OR6X1: variants seen among roughly 807,000 people sequenced by gnomAD.
OR6X1 encodes olfactory receptor family 6 subfamily X member 1, also known as olfactory receptor 6X1.
For missense variants in OR6X1, 354 were observed against 372.2 expected (o/e 0.95, Z 0.40); for synonymous variants, 160 against 149.8 (o/e 1.07, Z -0.50).
Position 123,754,275 on chromosome 11 carries a change from T to C in OR6X1, c.244A>G (p.Thr82Ala). The C allele has an allele frequency of 6.2e-7, 1 of 1,614,096 alleles. No homozygotes were observed. Among genetic ancestry groups the C allele is most frequent in the Non-Finnish European group, 8.5e-7 (1 of 1,179,986 alleles). The change falls in exon 1 of 1, where the codon ACC becomes GCC. Residue 82 changes from threonine (T) to alanine (A), a missense_variant. Physicochemically the swap from Thr to Ala is moderately conservative, Grantham distance 58. Coordinates refer to ENST00000327930, the MANE Select transcript of OR6X1 (RefSeq NM_001005188.1). Reference protein sequence around the residue: ...TTTVIPKLLGTFVVARTVICM... With the variant: ...TTTVIPKLLGAFVVARTVICM... Reference sequence around the variant, plus strand: ...ATTACTGTTCTTGCCACTACAAAGGTTCCTAGCAGTTTGGGGATGACTGTG... The same window carrying C: ...ATTACTGTTCTTGCCACTACAAAGGCTCCTAGCAGTTTGGGGATGACTGTG...
rs770729166 is a variant in OR6X1, at chr11:123,753,592, ACCAGT to A, written c.922_926del (p.Thr308SerfsTer?). The A allele has an allele frequency of 1.1e-4, 172 of 1,563,362 alleles. No individual in the cohort carries two copies. Among genetic ancestry groups the A allele is most frequent in the Non-Finnish European group, 1.4e-4 (165 of 1,156,052 alleles). On this transcript the variant is annotated frameshift_variant, in exon 1 of 1. Coordinates refer to ENST00000327930, the MANE Select transcript of OR6X1 (RefSeq NM_001005188.1). LOFTEE classifies it high-confidence loss of function. ...TGTGTTGCATGTTTTACTTTGCATG[ACCAGT>A]CTTTGGGCAAGTCATTGCCTTTCTT...
At position 123,753,629 on chromosome 11, in the gene OR6X1, C is replaced by G; in HGVS notation, c.890G>C (p.Gly297Ala). ...GCAAGTCATTGCCTTTCTTAAGGCT[C>G]CCTTCACCTCCTTGTTTCTAATAGT... is the stretch of plus-strand genomic sequence containing the variant. ...IYTIRNKEVK[G>A]ALRKAMTCPK... Residue 297 changes from glycine (G) to alanine (A), a missense_variant, in exon 1 of 1, where the codon GGA (glycine) becomes GCA (alanine). Coordinates refer to ENST00000327930, the MANE Select transcript of OR6X1 (RefSeq NM_001005188.1). The G allele has an allele frequency of 6.2e-7, 1 of 1,604,402 alleles. No individual in the cohort carries two copies. Among genetic ancestry groups the G allele is most frequent in the Non-Finnish European group, 8.5e-7 (1 of 1,176,014 alleles).
Position 123,753,932 on chromosome 11 carries a change from A to G in OR6X1, c.587T>C (p.Leu196Pro). ...ACIDTSILEL[L>P]GVIATILVIP... Reference sequence around the variant, plus strand: ...CACAAGGATGGTTGCTATGACGCCCAGGAGTTCCAAAATGCTGGTGTCTAT... The same window carrying G: ...CACAAGGATGGTTGCTATGACGCCCGGGAGTTCCAAAATGCTGGTGTCTAT... The change falls in exon 1 of 1, where the codon CTG becomes CCG. Residue 196 changes from leucine to proline, a missense_variant. Coordinates refer to ENST00000327930, the MANE Select transcript of OR6X1 (RefSeq NM_001005188.1). 1 of 1,614,232 alleles carries G rather than the reference A, an allele frequency of 6.2e-7. No homozygotes were observed. Among genetic ancestry groups the G allele is most frequent in the Non-Finnish European group, 8.5e-7 (1 of 1,180,040 alleles).
rs1314422321 is a variant in OR6X1, at chr11:123,754,144, G to A, written c.375C>T (p.Cys125=). 7 of 1,614,166 alleles carry A rather than the reference G, an allele frequency of 4.3e-6. No homozygotes were observed. The highest frequency in any genetic ancestry group is 1.3e-5 in the African/African-American group (1 of 75,038). ...IMSFDRYLTI[C]NPLHHPTIMT... ...TGATGGTGGGGTGGTGAAGGGGATT[G>A]CAGATGGTGAGGTAGCGGTCAAAAG... The change falls in exon 1 of 1, where the codon TGC becomes TGT. Residue 125 remains cysteine, a synonymous_variant. Transcript: ENST00000327930.
At position 123,753,674 on chromosome 11, in the gene OR6X1, A is replaced by AG. The variant is rs774084489; in HGVS notation, c.844dup (p.Leu282ProfsTer10). 5.6e-6 allele frequency: 9 copies of AG among 1,613,750 alleles called. No individual in the cohort carries two copies. The highest frequency in any genetic ancestry group is 5.5e-5 in the South Asian group (5 of 91,050). On this transcript the variant is annotated frameshift_variant, in exon 1 of 1. Coordinates refer to ENST00000327930, the MANE Select transcript of OR6X1 (RefSeq NM_001005188.1). LOFTEE classifies it low-confidence loss of function (END_TRUNC). ...AATAGTATAAATAAAGGGATTCAGA[A>AG]GGGGGGTGAGGATAGTATTTAGCAC...
rs1336448491 is a variant in OR6X1, at chr11:123,754,412, G to A, written c.107C>T (p.Thr36Ile). Reference sequence around the variant, plus strand: ...AATAATAAGCCCATTGCCTGCAAGGGTTAATATGTAGGTGAGAAAGATTGC... The same window carrying A: ...AATAATAAGCCCATTGCCTGCAAGGATTAATATGTAGGTGAGAAAGATTGC... ...FIAIFLTYIL[T>I]LAGNGLIIAT... The change falls in exon 1 of 1, where the codon ACC (threonine) becomes ATC (isoleucine). Residue 36 changes from threonine to isoleucine, a missense_variant. Physicochemically the swap from Thr to Ile is moderately conservative, Grantham distance 89. Coordinates refer to ENST00000327930, the MANE Select transcript of OR6X1 (RefSeq NM_001005188.1). The A allele has an allele frequency of 1.9e-6, 3 of 1,614,072 alleles. No homozygotes were observed. The highest frequency in any genetic ancestry group is 2.2e-5 in the South Asian group (2 of 91,086).
At position 123,754,194 on chromosome 11, in the gene OR6X1, C is replaced by T. The variant is rs573024245; in HGVS notation, c.325G>A (p.Glu109Lys). The change falls in exon 1 of 1, where the codon GAG becomes AAG. Residue 109 changes from glutamate to lysine, a missense_variant. Coordinates refer to ENST00000327930, the MANE Select transcript of OR6X1 (RefSeq NM_001005188.1). Reference sequence around the variant, plus strand: ...GACATGATAGTGAGGATCAAGAACTCGGTGGTGCCCACGAAGAAGTGGAAG... The same window carrying T: ...GACATGATAGTGAGGATCAAGAACTTGGTGGTGCCCACGAAGAAGTGGAAG... ...AFFHFFVGTT[E>K]FLILTIMSFD... is the part of the protein sequence containing the mutation. 25 of 1,614,088 alleles carry T rather than the reference C, an allele frequency of 1.5e-5. 1 individual carries two copies. The East Asian group carries it at 2.7e-4, about 17-fold the overall frequency.
At position 123,753,738 on chromosome 11, in the gene OR6X1, T is replaced by C. The variant is rs1346197343; in HGVS notation, c.781A>G (p.Thr261Ala). 2 of 1,614,070 alleles carry C rather than the reference T, an allele frequency of 1.2e-6. No individual in the cohort carries two copies. Among genetic ancestry groups the C allele is most frequent in the Non-Finnish European group, 8.5e-7 (1 of 1,180,042 alleles). Residue 261 changes from threonine (T) to alanine (A), a missense_variant, in exon 1 of 1, where the codon ACA (threonine) becomes GCA (alanine). Coordinates refer to ENST00000327930, the MANE Select transcript of OR6X1 (RefSeq NM_001005188.1). ...TTAATCTTAAAGGAGGAGTGTGCTG[T>C]GGGTCTTAGGTACATGAACAGAACA... Reference protein sequence around the residue: ...GAVLFMYLRPTAHSSFKINKV... With the variant: ...GAVLFMYLRPAAHSSFKINKV...
At position 123,753,688 on chromosome 11, in the gene OR6X1, A is replaced by G. The variant is rs1428040196; in HGVS notation, c.831T>C (p.Thr277=). 6.2e-7 allele frequency: 1 copy of G among 1,613,836 alleles called. No homozygotes were observed. The highest frequency in any genetic ancestry group is 2.2e-5 in the East Asian group (1 of 44,874). The change falls in exon 1 of 1, where the codon ACT becomes ACC. Residue 277 remains threonine, a synonymous_variant. Transcript: ENST00000327930. Reference sequence around the variant, plus strand: ...AGGGATTCAGAAGGGGGGTGAGGATAGTATTTAGCACAGACACCACCTTAT... The same window carrying G: ...AGGGATTCAGAAGGGGGGTGAGGATGGTATTTAGCACAGACACCACCTTAT... ...KINKVVSVLN[T]ILTPLLNPFI... is the part of the protein sequence containing the mutation.
Position 123,753,818 on chromosome 11 carries a change from T to C in OR6X1, c.701A>G (p.Lys234Arg), listed in dbSNP as rs1476666945. The change falls in exon 1 of 1, where the codon AAG becomes AGG. Residue 234 changes from lysine to arginine, a missense_variant. Lys to Arg is a conservative substitution (Grantham distance 26). Coordinates refer to ENST00000327930, the MANE Select transcript of OR6X1 (RefSeq NM_001005188.1). ...GTGCGAGGCACAGGTAGAGAAAGTC[T>C]TTTGGTGGCCAGTGGCTGAAGGAAT... ...LRIPSATGHQKTFSTCASHLT... is the reference protein window; with the variant it reads ...LRIPSATGHQRTFSTCASHLT... 1 of 1,613,948 alleles carries C rather than the reference T, an allele frequency of 6.2e-7. No homozygotes were observed. Among genetic ancestry groups the C allele is most frequent in the African/African-American group, 1.3e-5 (1 of 74,886 alleles).
Position 123,753,838 on chromosome 11 carries a change from A to G in OR6X1, c.681T>C (p.Pro227=). The change falls in exon 1 of 1, where the codon CCT becomes CCC. Residue 227 remains proline (P), a synonymous_variant. Transcript: ENST00000327930. The stretch of plus-strand genomic sequence containing the variant: ...AAGTCTTTTGGTGGCCAGTGGCTGA[A>G]GGAATTCGTAGGATTGCGGACAGAA... ...IYILSAILRI[P]SATGHQKTFS... The G allele has an allele frequency of 3.1e-6, 5 of 1,614,172 alleles. No homozygotes were observed. The highest frequency in any genetic ancestry group is 4.2e-6 in the Non-Finnish European group (5 of 1,180,026).
Position 123,753,602 on chromosome 11 carries a change from G to A in OR6X1, c.917C>T (p.Pro306Leu). Residue 306 changes from proline (P) to leucine (L), a missense_variant, in exon 1 of 1, where the codon CCA becomes CTA. Transcript: ENST00000327930. ...KGALRKAMTC[P>L]KTGHAK is the part of the protein sequence containing the mutation. Reference sequence around the variant, plus strand: ...GTTTTACTTTGCATGACCAGTCTTTGGGCAAGTCATTGCCTTTCTTAAGGC... The same window carrying A: ...GTTTTACTTTGCATGACCAGTCTTTAGGCAAGTCATTGCCTTTCTTAAGGC... 6.3e-7 allele frequency: 1 copy of A among 1,585,480 alleles called. No individual in the cohort carries two copies. The highest frequency in any genetic ancestry group is 1.2e-5 in the South Asian group (1 of 86,240).
Position 123,753,767 on chromosome 11 carries a change from C to T in OR6X1, c.752G>A (p.Gly251Glu), listed in dbSNP as rs1409668624. 4 of 1,614,008 alleles carry T rather than the reference C, an allele frequency of 2.5e-6. No homozygotes were observed. The Admixed American group carries it at 6.7e-5, about 27-fold the overall frequency. Residue 251 changes from glycine to glutamate, a missense_variant, in exon 1 of 1, where the codon GGG becomes GAG. Gly to Glu is a moderately conservative substitution (Grantham distance 98, BLOSUM62 -2). Transcript: ENST00000327930. ...SHLTVVSLLY[G>E]AVLFMYLRPT... ...TCTTAGGTACATGAACAGAACAGCC[C>T]CGTAGAGCAGGGAGACAACTGTCAG... is the stretch of plus-strand genomic sequence containing the variant.
chr11:123,753,973 ACTGGGC>A lies in OR6X1; in HGVS notation c.540_545del (p.Pro181_Ser182del), dbSNP rs772055767. 1 of 1,614,200 alleles carries A rather than the reference ACTGGGC, an allele frequency of 6.2e-7. No individual in the cohort carries two copies. The highest frequency in any genetic ancestry group is 2.2e-5 in the East Asian group (1 of 44,884). ...TGGTGTCTATGCAGGCGGCTTTCAA[ACTGGGC>A]CCAACATCACAGTAGAAATGACTGA... On this transcript the variant is annotated inframe_deletion, in exon 1 of 1. Transcript: ENST00000327930.
chr11:123,754,226 T>A lies in OR6X1; in HGVS notation c.293A>T (p.Gln98Leu), dbSNP rs1565538250. The change falls in exon 1 of 1, where the codon CAG (glutamine) becomes CTG (leucine). Residue 98 changes from glutamine (Q) to leucine (L), a missense_variant. Physicochemically the swap from Gln to Leu is moderately radical, Grantham distance 113. Transcript: ENST00000327930. ...TVICMSCCLL[Q>L]AFFHFFVGTT... is the part of the protein sequence containing the mutation. Reference sequence around the variant, plus strand: ...GCCCACGAAGAAGTGGAAGAAGGCCTGCAGCAGGCAGCAGGACATGCAGAT... The same window carrying A: ...GCCCACGAAGAAGTGGAAGAAGGCCAGCAGCAGGCAGCAGGACATGCAGAT... 4.3e-6 allele frequency: 7 copies of A among 1,614,078 alleles called. No individual in the cohort carries two copies. Among genetic ancestry groups the A allele is most frequent in the Non-Finnish European group, 5.9e-6 (7 of 1,180,012 alleles).
At position 123,754,371 on chromosome 11, in the gene OR6X1, C is replaced by T. The variant is rs139521144; in HGVS notation, c.148G>A (p.Glu50Lys). ...TACATTGGAATTTGTAGCCTGGGCT[C>T]AGCCCACACAGTGGCAATAATAAGC... is the stretch of plus-strand genomic sequence containing the variant. Reference protein sequence around the residue: ...NGLIIATVWAEPRLQIPMYFF... With the variant: ...NGLIIATVWAKPRLQIPMYFF... The change falls in exon 1 of 1, where the codon GAG becomes AAG. Residue 50 changes from glutamate to lysine, a missense_variant. Glu to Lys is a moderately conservative substitution (Grantham distance 56). Coordinates refer to ENST00000327930, the MANE Select transcript of OR6X1 (RefSeq NM_001005188.1). The T allele has an allele frequency of 2.4e-5, 38 of 1,614,024 alleles. No individual in the cohort carries two copies. The highest frequency in any genetic ancestry group is 2.9e-5 in the Non-Finnish European group (34 of 1,180,024).
rs1372804247 is a variant in OR6X1 at position 123,753,843 on chromosome 11, T to G, written c.676A>C (p.Ile226Leu). The change falls in exon 1 of 1, where the codon ATT (isoleucine) becomes CTT (leucine). Residue 226 changes from isoleucine to leucine, a missense_variant. Physicochemically the swap from Ile to Leu is conservative, Grantham distance 5. Coordinates refer to ENST00000327930, the MANE Select transcript of OR6X1 (RefSeq NM_001005188.1). ...TTTTGGTGGCCAGTGGCTGAAGGAA[T>G]TCGTAGGATTGCGGACAGAATGTAG... ...YIYILSAILR[I>L]PSATGHQKTF... 1 of 1,614,014 alleles carries G rather than the reference T, an allele frequency of 6.2e-7. No homozygotes were observed. The highest frequency in any genetic ancestry group is 8.5e-7 in the Non-Finnish European group (1 of 1,180,008).
Position 123,753,741 on chromosome 11 carries a change from G to T in OR6X1, c.778C>A (p.Pro260Thr), listed in dbSNP as rs761870272. The change falls in exon 1 of 1, where the codon CCC becomes ACC. Residue 260 changes from proline to threonine, a missense_variant. Pro to Thr is a conservative substitution (Grantham distance 38). Coordinates refer to ENST00000327930, the MANE Select transcript of OR6X1 (RefSeq NM_001005188.1). ...YGAVLFMYLR[P>T]TAHSSFKINK... is the part of the protein sequence containing the mutation. ...ATCTTAAAGGAGGAGTGTGCTGTGG[G>T]TCTTAGGTACATGAACAGAACAGCC... 42 of 1,614,006 alleles carry T rather than the reference G, an allele frequency of 2.6e-5. No homozygotes were observed. Among genetic ancestry groups the T allele is most frequent in the Non-Finnish European group, 3.4e-5 (40 of 1,180,020 alleles).
rs143542313 is a variant in OR6X1, at chr11:123,754,195, G to A, written c.324C>T (p.Thr108=). ...QAFFHFFVGT[T]EFLILTIMSF... ...ACATGATAGTGAGGATCAAGAACTC[G>A]GTGGTGCCCACGAAGAAGTGGAAGA... The change falls in exon 1 of 1, where the codon ACC becomes ACT. Residue 108 remains threonine (T), a synonymous_variant. Coordinates refer to ENST00000327930, the MANE Select transcript of OR6X1 (RefSeq NM_001005188.1). The A allele has an allele frequency of 4.2e-5, 67 of 1,614,148 alleles. No homozygotes were observed. Among genetic ancestry groups the A allele is most frequent in the Non-Finnish European group, 5.4e-5 (64 of 1,180,024 alleles).
Sources: gnomAD v4.1 joint callset for allele counts on GRCh38, gnomAD v4.1.1 for gene constraint, MANE v1.5 for transcripts, NCBI Gene and HGNC (gene_info 2026-07-23, HGNC 2026-07-21) for gene names.